Variants in PTPDC1 observed in about 807,000 individuals in gnomAD.
PTPDC1 encodes protein tyrosine phosphatase domain containing 1.
PTPDC1 carries 53 observed loss-of-function variants against 75.3 expected under a neutral mutation model. That is an observed-to-expected ratio of 0.70 (90% CI 0.56 to 0.88). The LOEUF is 0.88. Among genes scored for constraint, PTPDC1 ranks in the 40% least tolerant of loss-of-function variants. The pLI, the probability that PTPDC1 is intolerant of heterozygous loss-of-function variation, is 0.00. For synonymous variants in PTPDC1, 349 were observed against 366.2 expected, an observed-to-expected ratio of 0.95 and a Z score of 0.54; for missense variants, 925 against 998.6, an observed-to-expected ratio of 0.93 and a Z score of 0.99.
At position 94,077,697 on chromosome 9, in the gene PTPDC1, C is replaced by T. The variant is rs1391437677; in HGVS notation, c.83-7554C>T. Among the ~76,000 whole-genome samples the T allele has an allele frequency of 3.3e-5, 5 of 152,282 alleles. No homozygotes were observed. The East Asian group carries it at 7.7e-4, about 24-fold the overall frequency. On this transcript the variant is annotated intron_variant, in intron 2 of 9. Transcript: ENST00000375360. ...ACCCTATCCTAAGCTTTTATTAAGG[C>T]TTCATCACATGGCATGATTGACTAA...
upstream of PTPDC1, chr9:94,084,448 A>G: frequency 6.4e-7 from 1 of 1,568,016 alleles, no homozygotes; most frequent in Non-Finnish European, 8.6e-7. Context: ...AGAACGATGC[A>G]ATGCTCCCTG....
At chr9:94,059,489 G>C (rs1564015257) in intron 1 of PTPDC1, among the ~76,000 whole-genome samples, 1 of 152,102 alleles carries the variant, frequency 6.6e-6, no homozygotes, top group Non-Finnish European at 1.5e-5. Flanking sequence ...AAGATAATCA[G>C]AATTTAAAAT....
chr9:94,052,125 A>G (rs1303622392), intron 1 of PTPDC1, among the ~76,000 whole-genome samples: 1 of 152,190 alleles, frequency 6.6e-6, no homozygotes, highest in African/African-American at 2.4e-5. Context: ...TATACATTTC[A>G]GTGCTATTAA....
intron 6 of PTPDC1, 29 bp from the exon 7 acceptor site, chr9:94,101,537 T>C: frequency 9.6e-6 from 15 of 1,570,256 alleles, no homozygotes; most frequent in Non-Finnish European, 1.3e-5. Context: ...TCTGTCTCTG[T>C]CTGTCTGTCT....
chr9:94,058,551 A>G (rs913417766), intron 1 of PTPDC1, among the ~76,000 whole-genome samples: 1 of 149,556 alleles, frequency 6.7e-6, no homozygotes, highest in Non-Finnish European at 1.5e-5. Flanking sequence ...AAAAAAAAAT[A>G]CAAAAATTAA....
In PTPDC1 at chr9:94,032,710, G is replaced by A. The variant is rs542861137; in HGVS notation, c.-7+1583G>A. On this transcript the variant is annotated intron_variant, in intron 1 of 9. Transcript: ENST00000375360. ...TTTTATTATTTATTTATTTTGAGACGGGGTCTCACTCTGTCGCCCAGTCTG... is the reference window on the plus strand; with the variant it reads ...TTTTATTATTTATTTATTTTGAGACAGGGTCTCACTCTGTCGCCCAGTCTG... 1.8e-4 allele frequency among the ~76,000 whole-genome samples: 27 copies of A among 151,990 alleles called. No homozygotes were observed. In the East Asian group the frequency reaches 3.7e-3, roughly 21 times the overall value.
At chr9:94,074,613 T>C (rs1038743397) in intron 2 of PTPDC1, among the ~76,000 whole-genome samples, 1 of 151,830 alleles carries the variant, frequency 6.6e-6, no homozygotes, top group African/African-American at 2.4e-5. Flanking sequence ...GGAGTTCAGC[T>C]CCCCACTGGA....
intron 2 of PTPDC1, among the ~76,000 whole-genome samples, chr9:94,074,853 G>A (rs1826632533): frequency 6.6e-6 from 1 of 152,138 alleles, no homozygotes; most frequent in Non-Finnish European, 1.5e-5. Flanking sequence ...CTCCCCACTG[G>A]GCCTCACTAA....
At chr9:94,088,288 A>G (rs1409052517) in intron 4 of PTPDC1, 25 bp downstream of exon 4, 3 of 1,610,362 alleles carry the variant, frequency 1.9e-6, no homozygotes, top group South Asian at 2.2e-5. Context: ...CCCTCCTCTC[A>G]TGAATTATCA....
upstream of PTPDC1, among the ~76,000 whole-genome samples, chr9:94,083,059 C>T (rs1826937100): frequency 6.6e-6 from 1 of 152,180 alleles, no homozygotes; most frequent in African/African-American, 2.4e-5. Context: ...TTCTGGAGTG[C>T]CACATACTCA....
At chr9:94,085,511 A>C in intron 2 of PTPDC1, 89 bp downstream of exon 2, 5 of 1,416,438 alleles carry the variant, frequency 3.5e-6, no homozygotes, top group Non-Finnish European at 4.8e-6. Context: ...TGGGAGGAGC[A>C]GTGTGGGACT....
chr9:94,046,391 G>A (rs545487674), intron 1 of PTPDC1, among the ~76,000 whole-genome samples: 99 of 152,254 alleles, frequency 6.5e-4, no homozygotes, highest in African/African-American at 2.2e-3. Context: ...GAAAGTCATC[G>A]GTAGCTTGAT....
intron 8 of PTPDC1, among the ~76,000 whole-genome samples, chr9:94,107,334 T>C (rs1485969214): frequency 6.6e-6 from 1 of 152,102 alleles, no homozygotes; most frequent in African/African-American, 2.4e-5. Context: ...ATTATCTCTG[T>C]TTTACAAAGG....
intron 8 of PTPDC1, among the ~76,000 whole-genome samples, chr9:94,105,941 C>T (rs1309708897): frequency 6.6e-6 from 1 of 151,874 alleles, no homozygotes; most frequent in Admixed American, 6.6e-5. Context: ...CCACTGCACT[C>T]CAGCCTGGGC....
intron 1 of PTPDC1, among the ~76,000 whole-genome samples, chr9:94,064,208 A>G (rs1826226222): frequency 6.6e-6 from 1 of 152,192 alleles, no homozygotes; most frequent in Non-Finnish European, 1.5e-5. Context: ...GTACTAATTG[A>G]AAAAACTGAA....
At chr9:94,064,802 G>C in exon 2 of PTPDC1, 1 of 1,613,080 alleles carries the variant, frequency 6.2e-7, no homozygotes. Context: ...ATAACAGCGA[G>C]TGTGTTGCAA....
chr9:94,084,671 T>C lies in PTPDC1; in HGVS notation c.141T>C (p.Ser47=), dbSNP rs1378821246. 1 of 1,613,788 alleles carries C rather than the reference T, an allele frequency of 6.2e-7. No homozygotes were observed. The highest frequency in any genetic ancestry group is 1.1e-5 in the South Asian group (1 of 91,060). Residue 47 remains serine (S), a synonymous_variant, in exon 1 of 9, where the codon TCT becomes TCC. Coordinates refer to ENST00000620992, the MANE Select transcript of PTPDC1 (RefSeq NM_001253829.2). ...ARRGSGLGSG[S]ATKLLSSSSL... is the part of the protein sequence containing the mutation. Reference sequence around the variant, plus strand: ...GGGGCTCTGGCTTGGGCTCCGGCTCTGCCACGAAGCTGCTGTCCTCGTCCT... The same window carrying C: ...GGGGCTCTGGCTTGGGCTCCGGCTCCGCCACGAAGCTGCTGTCCTCGTCCT...
At chr9:94,032,013 T>G (rs1192150932) in intron 1 of PTPDC1, among the ~76,000 whole-genome samples, 3 of 152,200 alleles carry the variant, frequency 2.0e-5, no homozygotes, top group African/African-American at 7.2e-5. Context: ...TCCACACAAT[T>G]TTATTTGATC....
intron 2 of PTPDC1, among the ~76,000 whole-genome samples, chr9:94,068,598 C>T (rs1378968142): frequency 6.6e-6 from 1 of 152,132 alleles, no homozygotes; most frequent in East Asian, 1.9e-4. Flanking sequence ...TCTTTCTCCC[C>T]TCATAGTTAA....
Sources: gnomAD v4.1 joint callset for allele counts (sites outside exome capture counted in the v4.1 genomes callset) on GRCh38, gnomAD v4.1.1 for gene constraint, MANE v1.5 for transcripts, NCBI Gene and HGNC (gene_info 2026-07-23, HGNC 2026-07-21) for gene names.